Variants in SLX4IP observed in about 807,000 individuals in gnomAD.
SLX4IP encodes SLX4 interacting protein.
In SLX4IP, 34 loss-of-function variants were observed where a neutral mutation model predicts 32.9. The ratio of observed to expected loss-of-function variants is 1.03; its 90% CI spans 0.79 to 1.38. The LOEUF is 1.38. Ranked by LOEUF, SLX4IP falls within the 40% of genes most tolerant of loss-of-function variation. SLX4IP has a pLI of 0.00. For missense variants in SLX4IP, 444 were observed against 479.0 expected, an observed-to-expected ratio of 0.93 and a Z score of 0.68; for synonymous variants, 172 against 171.7, an observed-to-expected ratio of 1.00 and a Z score of -0.01.
chr20:10,465,545 G>A (rs1419988877), intron 2 of SLX4IP, among the ~76,000 whole-genome samples: 2 of 152,014 alleles, frequency 1.3e-5, no homozygotes, highest in Non-Finnish European at 2.9e-5. Flanking sequence ...TTGCTCTGTC[G>A]CCCAGGTTGG....
intron 2 of SLX4IP, among the ~76,000 whole-genome samples, chr20:10,512,412 T>G (rs1384957703): frequency 2.6e-5 from 4 of 151,666 alleles, no homozygotes; most frequent in African/African-American, 9.7e-5. Flanking sequence ...TATGTCACTT[T>G]AAGTATTTTT....
At chr20:10,506,679 A>AG in intron 2 of SLX4IP, among the ~76,000 whole-genome samples, 1 of 152,320 alleles carries the variant, frequency 6.6e-6, no homozygotes, top group Admixed American at 6.5e-5. Flanking sequence ...TTCTTCTCTT[A>AG]GGGGTCTCAC....
chr20:10,476,296 G>C (rs1361658157), intron 2 of SLX4IP, among the ~76,000 whole-genome samples: 1 of 152,212 alleles, frequency 6.6e-6, no homozygotes, highest in Non-Finnish European at 1.5e-5. Context: ...CCAACCTTCA[G>C]TAGCATGAAT....
intron 2 of SLX4IP, among the ~76,000 whole-genome samples, chr20:10,539,768 G>T (rs139460375): frequency 6.6e-6 from 1 of 152,114 alleles, no homozygotes; most frequent in Non-Finnish European, 1.5e-5. Flanking sequence ...CATTAGAATC[G>T]GGTAGGGAGC....
At chr20:10,520,736 T>C (rs1023809942) in intron 2 of SLX4IP, among the ~76,000 whole-genome samples, 1 of 152,230 alleles carries the variant, frequency 6.6e-6, no homozygotes, top group Non-Finnish European at 1.5e-5. Flanking sequence ...CATGTGGTTA[T>C]TCAGTTGTCC....
chr20:10,576,275 T>C (rs1388904231), intron 4 of SLX4IP, among the ~76,000 whole-genome samples: 1 of 152,210 alleles, frequency 6.6e-6, no homozygotes, highest in Non-Finnish European at 1.5e-5. Context: ...ACATTTATAC[T>C]GTCTCTAAGT....
chr20:10,472,665 A>G (rs1270163861), intron 2 of SLX4IP, among the ~76,000 whole-genome samples: 2 of 152,176 alleles, frequency 1.3e-5, no homozygotes, highest in African/African-American at 4.8e-5. Context: ...AAGTGACTTG[A>G]GTCTTTCTGA....
rs1183793909 is a variant in SLX4IP, at chr20:10,613,284, A to G, written c.406-8030A>G. ...TAGGAAATACTAAGATCAGGTTGAGAGATTCTGCTTGGTCTAGTCAATCTG... is the reference window on the plus strand; with the variant it reads ...TAGGAAATACTAAGATCAGGTTGAGGGATTCTGCTTGGTCTAGTCAATCTG... On this transcript the variant is annotated intron_variant, in intron 6 of 7. Transcript: ENST00000334534. 6.0e-6 allele frequency: 4 copies of G among 668,360 alleles called. No homozygotes were observed. In the Admixed American group the frequency reaches 9.7e-5, roughly 16 times the overall value. 41.4% of individuals were successfully genotyped at this position (668,360 alleles called of 1,614,324 possible).
rs2065100736 is a variant in SLX4IP at position 10,435,409 on chromosome 20, A to C, written c.-74A>C. ...TACTCCGCCAGTGACCCTGGACAGTAACAAAACATATAAAGCCCGAGCCCA... is the reference window on the plus strand; with the variant it reads ...TACTCCGCCAGTGACCCTGGACAGTCACAAAACATATAAAGCCCGAGCCCA... On this transcript the variant is annotated 5_prime_UTR_variant, in exon 1 of 8. Transcript: ENST00000334534. The C allele has an allele frequency of 6.6e-6, 1 of 152,262 alleles. No individual in the cohort carries two copies. The highest frequency in any genetic ancestry group is 1.5e-5 in the Non-Finnish European group (1 of 68,072). 9.4% of individuals were successfully genotyped at this position (152,262 alleles called of 1,614,324 possible). A position where few individuals can be genotyped will look rare whatever the true frequency, so the allele number is the denominator to read the frequency against.
intron 6 of SLX4IP, among the ~76,000 whole-genome samples, chr20:10,612,649 G>A (rs561282781): frequency 2.6e-5 from 4 of 152,110 alleles, no homozygotes; most frequent in African/African-American, 7.2e-5. Context: ...AGGTTCAAGC[G>A]ATTCTCCTGC....
intron 4 of SLX4IP, among the ~76,000 whole-genome samples, chr20:10,565,390 G>A (rs4813938): frequency 0.11 from 17,132 of 152,186 alleles, 1,295 homozygotes; most frequent in Non-Finnish European, 0.17. Flanking sequence ...GCCATGAGTC[G>A]GGGACAGCTT....
At chr20:10,515,092 T>TC (rs1334979905) in intron 2 of SLX4IP, among the ~76,000 whole-genome samples, 1 of 146,946 alleles carries the variant, frequency 6.8e-6, no homozygotes, top group Non-Finnish European at 1.5e-5. Flanking sequence ...TTTTTTTTTT[T>TC]TTTTTTTTTG....
At chr20:10,551,852 G>A (rs2066221152) in intron 2 of SLX4IP, among the ~76,000 whole-genome samples, 1 of 152,208 alleles carries the variant, frequency 6.6e-6, no homozygotes, top group African/African-American at 2.4e-5. Flanking sequence ...GAGCTTGTGA[G>A]TTGCTGCTCT....
intron 4 of SLX4IP, among the ~76,000 whole-genome samples, chr20:10,566,327 T>C (rs1327737895): frequency 1.5e-5 from 2 of 131,262 alleles, no homozygotes; most frequent in African/African-American, 2.8e-5. Flanking sequence ...TATACCTCTC[T>C]CCCTCCATTC....
At chr20:10,479,358 T>TC (rs55956856) in intron 2 of SLX4IP, among the ~76,000 whole-genome samples, 21 of 140,720 alleles carry the variant, frequency 1.5e-4, no homozygotes, top group Middle Eastern at 3.8e-3. Flanking sequence ...ATTTCTTTTT[T>TC]TTTTTTTTTT....
rs1185764001 is a variant in SLX4IP, at chr20:10,626,392, G to T, written c.*3013G>T. ...CATCTGAAAGTCTGAAACAGTGTCAGTATTGTTAGTCAAAAAGAACAAGTT... is the reference window on the plus strand; with the variant it reads ...CATCTGAAAGTCTGAAACAGTGTCATTATTGTTAGTCAAAAAGAACAAGTT... On this transcript the variant is annotated 3_prime_UTR_variant, in exon 8 of 8. Coordinates refer to ENST00000334534, the MANE Select transcript of SLX4IP (RefSeq NM_001009608.3). 6.6e-6 allele frequency: 1 copy of T among 151,924 alleles called. No individual in the cohort carries two copies. Among genetic ancestry groups the T allele is most frequent in the Non-Finnish European group, 1.5e-5 (1 of 67,996 alleles). 9.4% of individuals were successfully genotyped at this position (151,924 alleles called of 1,614,324 possible).
intron 2 of SLX4IP, among the ~76,000 whole-genome samples, chr20:10,511,353 C>T (rs2065806674): frequency 6.6e-6 from 1 of 152,150 alleles, no homozygotes; most frequent in African/African-American, 2.4e-5. Context: ...TCTGAATCCT[C>T]CATGCCATGG....
At position 10,560,781 on chromosome 20, in the gene SLX4IP, A is replaced by G. The variant is rs1368633106; in HGVS notation, c.199A>G (p.Asn67Asp). 3 of 1,608,002 alleles carry G rather than the reference A, an allele frequency of 1.9e-6. No individual in the cohort carries two copies. The highest frequency in any genetic ancestry group is 2.2e-5 in the East Asian group (1 of 44,596). ...AGTTCGCAAACAGCACAGGCCATCA[A>G]ATGCAGAATTCACAAGATCCAATCC... ...LEVRKQHRPS[N>D]AEFTRSNPLS... Residue 67 changes from asparagine (N) to aspartate (D), a missense_variant, in exon 4 of 8, where the codon AAT becomes GAT. Coordinates refer to ENST00000334534, the MANE Select transcript of SLX4IP (RefSeq NM_001009608.3).
intron 2 of SLX4IP, among the ~76,000 whole-genome samples, chr20:10,473,218 G>A (rs2065440989): frequency 6.6e-6 from 1 of 152,136 alleles, no homozygotes; most frequent in African/African-American, 2.4e-5. Flanking sequence ...AGGTGAGACT[G>A]GGCATGCACT....
Sources: gnomAD v4.1 joint callset for allele counts (sites outside exome capture counted in the v4.1 genomes callset) on GRCh38, gnomAD v4.1.1 for gene constraint, MANE v1.5 for transcripts, NCBI Gene and HGNC (gene_info 2026-07-23, HGNC 2026-07-21) for gene names.